The following RICTOR variants were observed in gnomAD, a reference collection of about 807,000 sequenced individuals.
RICTOR encodes the protein RPTOR independent companion of MTOR complex 2.
Under a neutral mutation model 214.9 loss-of-function variants are expected in RICTOR, and 49 were observed. That is an observed-to-expected ratio of 0.23 (90% CI 0.18 to 0.29). The LOEUF is 0.29. Ranked by LOEUF, RICTOR falls within the 10% of genes least tolerant of loss-of-function variation. The pLI is 1.00. For synonymous variants in RICTOR, 717 were observed against 711.3 expected, an observed-to-expected ratio of 1.01 and a Z score of -0.13; for missense variants, 1,625 against 2,047.0, an observed-to-expected ratio of 0.79 and a Z score of 3.98.
chr5:39,019,623 C>A (rs1047748192), intron 3 of RICTOR, among the ~76,000 whole-genome samples: 9 of 152,098 alleles, frequency 5.9e-5, no homozygotes, highest in African/African-American at 2.2e-4. Flanking sequence ...AAAAGGATTT[C>A]TTTCAAATTG....
intron 2 of RICTOR, among the ~76,000 whole-genome samples, chr5:39,049,674 T>A (rs942206247): frequency 1.8e-4 from 23 of 131,000 alleles, no homozygotes; most frequent in African/African-American, 2.9e-4. Flanking sequence ...CATGACAGAA[T>A]AGGAAAGAAG....
chr5:38,962,018 T>C (rs1419540353), intron 19 of RICTOR, among the ~76,000 whole-genome samples: 1 of 152,080 alleles, frequency 6.6e-6, no homozygotes, highest in Non-Finnish European at 1.5e-5. Flanking sequence ...CATCCTCATA[T>C]GTCAGGGCTA....
At chr5:39,050,533 C>T (rs558872675) in intron 2 of RICTOR, among the ~76,000 whole-genome samples, 166 of 152,168 alleles carry the variant, frequency 1.1e-3, no homozygotes, top group South Asian at 2.1e-3. Context: ...GACAAGGTTT[C>T]ACCACGTTTC....
rs1178503390 is a variant in RICTOR, at chr5:38,990,642, A to G, written c.583+307T>C. On this transcript the variant is annotated intron_variant, in intron 7 of 37. Coordinates refer to ENST00000357387, the MANE Select transcript of RICTOR (RefSeq NM_152756.5). ...GATATATGATATATATATCTGACAT[A>G]TATCAGATATATGATATATATCAGA... Among the ~76,000 whole-genome samples the G allele has an allele frequency of 7.0e-5, 10 of 143,526 alleles. No individual in the cohort carries two copies. The South Asian group carries it at 1.5e-3, about 22-fold the overall frequency. The allele number at this position is 143,526 out of a possible 152,430, so 94.2% of individuals were successfully genotyped here.
intron 7 of RICTOR, among the ~76,000 whole-genome samples, chr5:38,986,855 G>A (rs1175748442): frequency 6.6e-6 from 1 of 152,178 alleles, no homozygotes; most frequent in Non-Finnish European, 1.5e-5. Flanking sequence ...ATTGGCTGTG[G>A]ATTTGTCATA....
At chr5:38,986,123 G>T (rs1752150831) in intron 7 of RICTOR, among the ~76,000 whole-genome samples, 1 of 152,138 alleles carries the variant, frequency 6.6e-6, no homozygotes. Context: ...TCGAGGAAGG[G>T]ACCTGGTGGG....
chr5:38,955,090 G>GTA (rs1384309744), intron 26 of RICTOR, among the ~76,000 whole-genome samples: 2 of 151,920 alleles, frequency 1.3e-5, no homozygotes, highest in Non-Finnish European at 2.9e-5. Context: ...ACATGACACT[G>GTA]TAAGTGGAAA....
At chr5:38,983,345 T>C (rs1751883360) in intron 7 of RICTOR, among the ~76,000 whole-genome samples, 1 of 152,354 alleles carries the variant, frequency 6.6e-6, no homozygotes, top group Non-Finnish European at 1.5e-5. Flanking sequence ...TGTTTTCACA[T>C]AGTCCTACTA....
chr5:39,057,462 A>G (rs996199175), intron 2 of RICTOR, among the ~76,000 whole-genome samples: 3 of 152,138 alleles, frequency 2.0e-5, no homozygotes, highest in Non-Finnish European at 4.4e-5. Flanking sequence ...CAAAGTTCAG[A>G]TCATGTGGAA....
At chr5:39,040,404 CAT>C (rs1264521893) in intron 2 of RICTOR, among the ~76,000 whole-genome samples, 1 of 151,926 alleles carries the variant, frequency 6.6e-6, no homozygotes, top group African/African-American at 2.4e-5. Flanking sequence ...CAAGATGGCA[CAT>C]GTGTACATAT....
chr5:39,058,246 G>A (rs768989267), intron 2 of RICTOR, among the ~76,000 whole-genome samples: 1 of 151,748 alleles, frequency 6.6e-6, no homozygotes, highest in South Asian at 2.1e-4. Flanking sequence ...AACATAAAGA[G>A]GTAGCAAGTA....
rs529180961 is a variant in RICTOR, at chr5:38,999,847, T to C, written c.392+2688A>G. The stretch of plus-strand genomic sequence containing the variant: ...AAGACAAAGTTGGTCAAACCAGATA[T>C]AAAAAAAGAAAAAAACTATATGATA... On this transcript the variant is annotated intron_variant, in intron 5 of 37. Transcript: ENST00000357387. Among the ~76,000 whole-genome samples the C allele has an allele frequency of 6.6e-5, 10 of 150,988 alleles. No homozygotes were observed. In the East Asian group the frequency reaches 1.8e-3, roughly 26 times the overall value.
At chr5:38,990,718 G>GATATATATC (rs1752643117) in intron 7 of RICTOR, among the ~76,000 whole-genome samples, 4 of 15,972 alleles carry the variant, frequency 2.5e-4, no homozygotes, top group African/African-American at 3.4e-4. Context: ...TGATATATAT[G>GATATATATC]ATATATATCA....
chr5:39,011,805 C>T (rs1343280703), intron 3 of RICTOR, among the ~76,000 whole-genome samples: 1 of 152,192 alleles, frequency 6.6e-6, no homozygotes, highest in African/African-American at 2.4e-5. Context: ...TACCCAATGC[C>T]TGTACCCTCA....
intron 3 of RICTOR, among the ~76,000 whole-genome samples, chr5:39,008,499 C>A (rs1283082304): frequency 6.6e-6 from 1 of 151,922 alleles, no homozygotes; most frequent in Non-Finnish European, 1.5e-5. Flanking sequence ...CCAGAGCCCA[C>A]TATGAAAAAT....
chr5:38,959,938 A>G lies in RICTOR; in HGVS notation c.1892T>C (p.Val631Ala). ...TCCAGATGAAGCATTGAGCCACTGA[A>G]CAATATCCTTTACTAGATCTTCTAA... The part of the protein sequence containing the change: ...GYLEDLVKDI[V>A]QWLNASSGMK... Residue 631 changes from valine (V) to alanine (A), a missense_variant, in exon 21 of 38, where the codon GTT becomes GCT. Coordinates refer to ENST00000357387, the MANE Select transcript of RICTOR (RefSeq NM_152756.5). 2 of 1,613,080 alleles carry G rather than the reference A, an allele frequency of 1.2e-6. No individual in the cohort carries two copies. The highest frequency in any genetic ancestry group is 1.7e-6 in the Non-Finnish European group (2 of 1,179,214).
chr5:38,972,470 C>T (rs1316369146), intron 10 of RICTOR, among the ~76,000 whole-genome samples: 1 of 152,138 alleles, frequency 6.6e-6, no homozygotes, highest in Admixed American at 6.5e-5. Flanking sequence ...AATCATGTCA[C>T]AAAAGACGTA....
At chr5:38,944,135 A>G in intron 36 of RICTOR, 1 of 444,872 alleles carries the variant, frequency 2.2e-6, no homozygotes, top group Non-Finnish European at 4.3e-6. Flanking sequence ...GTATTTTAAT[A>G]AAAATAACTG....
chr5:39,071,951 A>G (rs989730476), intron 2 of RICTOR, among the ~76,000 whole-genome samples: 41 of 152,200 alleles, frequency 2.7e-4, no homozygotes, highest in Non-Finnish European at 7.3e-5. Context: ...CAGTTCTCAA[A>G]TTATTACTAA....
Sources: allele counts gnomAD v4.1 joint callset (sites outside exome capture counted in the v4.1 genomes callset), GRCh38; gene constraint gnomAD v4.1.1; transcripts MANE v1.5; gene names NCBI Gene and HGNC (gene_info 2026-07-23, HGNC 2026-07-21).